The following ATRNL1 variants were observed in gnomAD, a reference collection of about 807,000 sequenced individuals.
The protein encoded by ATRNL1 is attractin-like protein 1.
ATRNL1 carries 95 observed loss-of-function variants against 182.7 expected under a neutral mutation model. The ratio of observed to expected loss-of-function variants is 0.52; its 90% CI spans 0.44 to 0.62. ATRNL1 has a LOEUF of 0.62. Ranked by LOEUF, ATRNL1 falls within the 20% of genes least tolerant of loss-of-function variation. The pLI is 0.00. For missense variants in ATRNL1, 1,471 were observed against 1,679.5 expected (o/e 0.88, Z 2.17); for synonymous variants, 576 against 568.3 (o/e 1.01, Z -0.19).
intron 28 of ATRNL1, among the ~76,000 whole-genome samples, chr10:115,923,737 T>C (rs959217954): frequency 1.3e-5 from 2 of 152,198 alleles, no homozygotes; most frequent in Non-Finnish European, 2.9e-5. Context: ...GTCTTTATAG[T>C]AGAATGATAT....
intron 18 of ATRNL1, among the ~76,000 whole-genome samples, chr10:115,326,234 A>C (rs1219866269): frequency 2.6e-5 from 4 of 152,190 alleles, no homozygotes; most frequent in African/African-American, 9.7e-5. Context: ...ACTTCAGCAA[A>C]GTCTCAGGAT....
At chr10:115,520,052 G>A (rs148937813) in intron 25 of ATRNL1, among the ~76,000 whole-genome samples, 8 of 152,240 alleles carry the variant, frequency 5.3e-5, no homozygotes, top group East Asian at 1.9e-4. Context: ...TATTATTCAC[G>A]TGTGAAGTTT....
At chr10:115,763,207 A>ATTT (rs1555074091) in intron 27 of ATRNL1, among the ~76,000 whole-genome samples, 7 of 152,110 alleles carry the variant, frequency 4.6e-5, no homozygotes, top group African/African-American at 1.7e-4. Context: ...TCCATCATTC[A>ATTT]AAAATATTTA....
intron 26 of ATRNL1, among the ~76,000 whole-genome samples, chr10:115,556,021 TC>T (rs1272488729): frequency 1.3e-5 from 2 of 151,958 alleles, no homozygotes; most frequent in Non-Finnish European, 2.9e-5. Flanking sequence ...TAAAACCAAG[TC>T]TGTCAGACCG....
At chr10:115,558,839 CA>C (rs1554998120) in intron 26 of ATRNL1, among the ~76,000 whole-genome samples, 1 of 152,136 alleles carries the variant, frequency 6.6e-6, no homozygotes, top group East Asian at 1.9e-4. Context: ...AAATCTATAG[CA>C]TTTGAGCCTC....
intron 26 of ATRNL1, among the ~76,000 whole-genome samples, chr10:115,604,228 T>A (rs1856762146): frequency 6.6e-6 from 1 of 152,158 alleles, no homozygotes; most frequent in South Asian, 2.1e-4. Flanking sequence ...AAGCATTGAG[T>A]TTTGTTCTGC....
chr10:115,163,555 G>A (rs575177514), intron 6 of ATRNL1, among the ~76,000 whole-genome samples: 1 of 151,846 alleles, frequency 6.6e-6, no homozygotes, highest in Non-Finnish European at 1.5e-5. Flanking sequence ...TGTAGAGGCG[G>A]GGTCTCCCTA....
intron 27 of ATRNL1, among the ~76,000 whole-genome samples, chr10:115,844,622 G>T (rs1950887157): frequency 6.6e-6 from 1 of 151,988 alleles, no homozygotes; most frequent in Non-Finnish European, 1.5e-5. Flanking sequence ...AAAAACACTA[G>T]ACTGAACAAA....
chr10:115,796,332 G>A (rs936423849), intron 27 of ATRNL1, among the ~76,000 whole-genome samples: 2 of 151,934 alleles, frequency 1.3e-5, no homozygotes, highest in Admixed American at 1.3e-4. Flanking sequence ...GCACACCATG[G>A]TTTCCCCTTC....
At chr10:115,682,743 C>T (rs1453841803) in intron 26 of ATRNL1, among the ~76,000 whole-genome samples, 1 of 152,088 alleles carries the variant, frequency 6.6e-6, no homozygotes, top group South Asian at 2.1e-4. Context: ...TCTTGTGCTC[C>T]CACCAGTGGA....
intron 25 of ATRNL1, among the ~76,000 whole-genome samples, chr10:115,546,595 C>T (rs572216468): frequency 1.3e-5 from 2 of 151,760 alleles, no homozygotes; most frequent in East Asian, 3.9e-4. Flanking sequence ...CACTATTATT[C>T]CAGGTATAAC....
intron 26 of ATRNL1, among the ~76,000 whole-genome samples, chr10:115,683,880 A>T (rs1946133835): frequency 6.6e-6 from 1 of 151,838 alleles, no homozygotes. Context: ...ATACACATTA[A>T]TAAAGCATAT....
intron 26 of ATRNL1, among the ~76,000 whole-genome samples, chr10:115,645,201 C>T (rs1555031807): frequency 2.0e-5 from 3 of 151,830 alleles, no homozygotes; most frequent in Non-Finnish European, 4.4e-5. Flanking sequence ...CAAGCTTGTC[C>T]AGTTCATTCA....
At chr10:115,827,231 C>A (rs1467325895) in intron 27 of ATRNL1, among the ~76,000 whole-genome samples, 2 of 152,142 alleles carry the variant, frequency 1.3e-5, no homozygotes, top group Non-Finnish European at 2.9e-5. Context: ...TAACTCATTG[C>A]TTTATAAAAA....
chr10:115,501,529 G>T (rs1451236707), intron 24 of ATRNL1, among the ~76,000 whole-genome samples: 1 of 152,056 alleles, frequency 6.6e-6, no homozygotes, highest in South Asian at 2.1e-4. Context: ...CATTTCTTCA[G>T]TCATGTACTG....
chr10:115,435,605 A>T lies in ATRNL1; in HGVS notation c.3322+9303A>T, dbSNP rs7091170. On this transcript the variant is annotated intron_variant, in intron 21 of 28. Transcript: ENST00000355044. ...AAGTCATTTTATTTGTATGTCTTTA[A>T]TGACTTAATTTGCTTGTTCTTAGAT... 2.3e-3 allele frequency among the ~76,000 whole-genome samples: 345 copies of T among 152,290 alleles called. 1 individual carries two copies. Among genetic ancestry groups the T allele is most frequent in the African/African-American group, 7.9e-3 (327 of 41,570 alleles).
rs1414465469 is a variant in ATRNL1, at chr10:115,202,721, T to C, written c.1349-12976T>C. Reference sequence around the variant, plus strand: ...TTTTGGTTGTGTCTCTGCCCGGCTTTGGTATCAGGATGATGCTGGCCTCAT... The same window carrying C: ...TTTTGGTTGTGTCTCTGCCCGGCTTCGGTATCAGGATGATGCTGGCCTCAT... On this transcript the variant is annotated intron_variant, in intron 8 of 28. Transcript: ENST00000355044. Among the ~76,000 whole-genome samples, 12 of 146,130 alleles carry C rather than the reference T, an allele frequency of 8.2e-5. No homozygotes were observed. In the East Asian group the frequency reaches 2.0e-3, roughly 24 times the overall value.
At position 115,635,206 on chromosome 10, in the gene ATRNL1, G is replaced by A. The variant is rs1349320773; in HGVS notation, c.3795+85670G>A. On this transcript the variant is annotated intron_variant, in intron 26 of 28. Transcript: ENST00000355044. ...CATTATTAAATTAGTGAAAAAACAA[G>A]CAATGGAGTGAGAGAAGGTATTTTC... 2.0e-5 allele frequency among the ~76,000 whole-genome samples: 3 copies of A among 151,440 alleles called. No homozygotes were observed. The East Asian group carries it at 5.8e-4, about 29-fold the overall frequency.
intron 19 of ATRNL1, among the ~76,000 whole-genome samples, chr10:115,381,522 C>T (rs1195596288): frequency 6.7e-6 from 1 of 150,184 alleles, no homozygotes; most frequent in Non-Finnish European, 1.5e-5. Flanking sequence ...ATCCGCCCGT[C>T]TCGGCCTTCC....
Sources: gnomAD v4.1 joint callset for allele counts (sites outside exome capture counted in the v4.1 genomes callset) on GRCh38, gnomAD v4.1.1 for gene constraint, MANE v1.5 for transcripts, NCBI Gene and HGNC (gene_info 2026-07-23, HGNC 2026-07-21) for gene names.